Variants in DLC1 observed in about 807,000 individuals in gnomAD.
DLC1 encodes the protein DLC1 Rho GTPase activating protein.
DLC1 carries 54 observed loss-of-function variants against 140.3 expected under a neutral mutation model. The observed-to-expected ratio is 0.38, with a 90% CI of 0.31 to 0.48. DLC1 has a LOEUF of 0.48. Ranked by LOEUF, DLC1 falls within the 20% of genes least tolerant of loss-of-function variation. DLC1 has a pLI of 0.96. For missense variants in DLC1, 2,536 were observed against 1,907.0 expected (o/e 1.33, Z -6.14); for synonymous variants, 986 against 728.1 (o/e 1.35, Z -5.70).
rs145809662 is a variant in DLC1 at position 13,110,606 on chromosome 8, C to G, written c.1502+136G>C. 1.2e-4 allele frequency: 96 copies of G among 786,602 alleles called. No individual in the cohort carries two copies. The African/African-American group carries it at 1.5e-3, about 12-fold the overall frequency. 48.7% of individuals were successfully genotyped at this position (786,602 alleles called of 1,614,324 possible). A position where few individuals can be genotyped will look rare whatever the true frequency, so the allele number is the denominator to read the frequency against. ...TTTACTTAGTTTTTAATTAAAAGGTCTATGATCACTCTATGGTTTGCCAAT... is the reference window on the plus strand; with the variant it reads ...TTTACTTAGTTTTTAATTAAAAGGTGTATGATCACTCTATGGTTTGCCAAT... On this transcript the variant is annotated intron_variant, in intron 7 of 17. Transcript: ENST00000276297.
intron 2 of DLC1, among the ~76,000 whole-genome samples, chr8:13,427,476 C>G (rs994766417): frequency 6.6e-6 from 1 of 152,190 alleles, no homozygotes; most frequent in Admixed American, 6.5e-5. Flanking sequence ...ATTACATTTT[C>G]TTAACATAGA....
At chr8:13,604,282 C>T (rs1805977229) in intron 1 of DLC1, among the ~76,000 whole-genome samples, 1 of 152,078 alleles carries the variant, frequency 6.6e-6, no homozygotes, top group Admixed American at 6.6e-5. Flanking sequence ...TGTCATATTT[C>T]CATGAGAAAG....
At chr8:13,164,314 A>ATATC (rs531754750) in intron 5 of DLC1, among the ~76,000 whole-genome samples, 9,226 of 148,604 alleles carry the variant, frequency 0.062, 482 homozygotes, top group African/African-American at 0.14. Context: ...AAAAATCTCT[A>ATATC]TATCTATCTA....
Position 13,088,721 on chromosome 8 carries a change from T to C in DLC1, c.4075-17A>G. 5 of 1,613,382 alleles carry C rather than the reference T, an allele frequency of 3.1e-6. No individual in the cohort carries two copies. The highest frequency in any genetic ancestry group is 3.4e-6 in the Non-Finnish European group (4 of 1,179,652). ...TTCGCTCACCTGGAAAGAGGATGTA[T>C]TTTTCAGTGCCAAGGCAATCCATAC... On this transcript the variant is annotated splice_polypyrimidine_tract_variant and intron_variant, in intron 15 of 17. Transcript: ENST00000276297.
chr8:13,294,431 A>G (rs1831871828), intron 5 of DLC1, among the ~76,000 whole-genome samples: 2 of 152,214 alleles, frequency 1.3e-5, no homozygotes. Flanking sequence ...TGCTATAGTT[A>G]TATCATTTCG....
chr8:13,222,188 A>T (rs551775228), intron 5 of DLC1, among the ~76,000 whole-genome samples: 63 of 151,952 alleles, frequency 4.1e-4, no homozygotes, highest in African/African-American at 1.3e-3. Context: ...ATGTAGGGCC[A>T]CTCCAAAAGC....
Position 13,463,569 on chromosome 8 carries a change from G to A in DLC1, c.1023+35480C>T, listed in dbSNP as rs114831221. The stretch of plus-strand genomic sequence containing the variant: ...TACCTTTGAAATAGGCCTGTTGAAT[G>A]TAGTGAATTTGGTAAAGATTTCTCA... On this transcript the variant is annotated intron_variant, in intron 2 of 17. Transcript: ENST00000276297. Among the ~76,000 whole-genome samples, 668 of 152,272 alleles carry A rather than the reference G, an allele frequency of 4.4e-3. 7 individuals carry two copies. The highest frequency in any genetic ancestry group is 0.015 in the African/African-American group (620 of 41,556).
chr8:13,375,318 C>T (rs1020995381), intron 4 of DLC1, among the ~76,000 whole-genome samples: 13 of 152,094 alleles, frequency 8.5e-5, no homozygotes, highest in African/African-American at 2.2e-4. Context: ...TGAGCCACCG[C>T]GCCCGGCCAA....
At chr8:13,116,557 T>G (rs768113349) in intron 5 of DLC1, among the ~76,000 whole-genome samples, 1 of 152,182 alleles carries the variant, frequency 6.6e-6, no homozygotes, top group African/African-American at 2.4e-5. Flanking sequence ...ATTGCATAAT[T>G]TATGCCAGAT....
chr8:13,449,669 G>A (rs1798952177), intron 2 of DLC1, among the ~76,000 whole-genome samples: 1 of 151,186 alleles, frequency 6.6e-6, no homozygotes. Flanking sequence ...GGGGCCTGTT[G>A]TGGGGTGGGG....
intron 5 of DLC1, among the ~76,000 whole-genome samples, chr8:13,121,393 G>A (rs188760924): frequency 1.3e-5 from 2 of 152,146 alleles, no homozygotes; most frequent in African/African-American, 2.4e-5. Context: ...AGGTGGATAC[G>A]ATGGTTTTAA....
chr8:13,490,987 A>ATG (rs1486648318), intron 2 of DLC1, among the ~76,000 whole-genome samples: 1 of 147,388 alleles, frequency 6.8e-6, no homozygotes, highest in African/African-American at 2.5e-5. Context: ...AAATATATAT[A>ATG]TACACACACA....
At chr8:13,283,001 C>A (rs187476964) in intron 5 of DLC1, among the ~76,000 whole-genome samples, 117 of 152,170 alleles carry the variant, frequency 7.7e-4, no homozygotes, top group African/African-American at 2.6e-3. Context: ...CAATTATCAA[C>A]CATCTCAAAA....
intron 4 of DLC1, among the ~76,000 whole-genome samples, chr8:13,360,877 TTA>T (rs200309919): frequency 0.02 from 2,697 of 132,596 alleles, 67 homozygotes; most frequent in Admixed American, 0.086. Context: ...TTTATACACA[TTA>T]TTTTTTTTTT....
chr8:13,538,878 A>C (rs762228478), intron 1 of DLC1, among the ~76,000 whole-genome samples: 16 of 152,192 alleles, frequency 1.1e-4, no homozygotes, highest in Non-Finnish European at 1.6e-4. Flanking sequence ...GCAGATAGTA[A>C]TGTCGTAAAT....
Position 13,370,300 on chromosome 8 carries a change from A to G in DLC1, c.1314+23253T>C, listed in dbSNP as rs141582239. 5.9e-5 allele frequency among the ~76,000 whole-genome samples: 9 copies of G among 152,272 alleles called. No homozygotes were observed. The East Asian group carries it at 1.5e-3, about 26-fold the overall frequency. ...GATTTAAAAATTATTATTTTTCATAATTAATGTCCATTCTGTTCACGGATC... is the reference window on the plus strand; with the variant it reads ...GATTTAAAAATTATTATTTTTCATAGTTAATGTCCATTCTGTTCACGGATC... On this transcript the variant is annotated intron_variant, in intron 4 of 17. Transcript: ENST00000276297.
chr8:13,172,775 C>T (rs1418834323), intron 5 of DLC1, among the ~76,000 whole-genome samples: 3 of 152,084 alleles, frequency 2.0e-5, no homozygotes, highest in Non-Finnish European at 4.4e-5. Flanking sequence ...ATTTTAAAGC[C>T]CTCTATCAAA....
chr8:13,189,443 A>C (rs1454002972), intron 5 of DLC1, among the ~76,000 whole-genome samples: 1 of 151,234 alleles, frequency 6.6e-6, no homozygotes, highest in Non-Finnish European at 1.5e-5. Flanking sequence ...ATGCCATTGC[A>C]CTCCACCCAA....
chr8:13,543,493 C>G (rs1160341287), intron 1 of DLC1, among the ~76,000 whole-genome samples: 1 of 151,838 alleles, frequency 6.6e-6, no homozygotes, highest in Non-Finnish European at 1.5e-5. Context: ...CTTTGGAAAC[C>G]CGCACATGTA....
Sources: allele counts gnomAD v4.1 joint callset (sites outside exome capture counted in the v4.1 genomes callset), GRCh38; gene constraint gnomAD v4.1.1; transcripts MANE v1.5; gene names NCBI Gene and HGNC (gene_info 2026-07-23, HGNC 2026-07-21).